Variants in IL1RAP observed in about 807,000 individuals in gnomAD.
The protein encoded by IL1RAP is interleukin 1 receptor accessory protein.
IL1RAP carries 35 observed loss-of-function variants against 60.7 expected under a neutral mutation model. That is an observed-to-expected ratio of 0.58 (90% CI 0.44 to 0.76). The LOEUF is 0.76. Among genes scored for constraint, IL1RAP ranks in the 30% least tolerant of loss-of-function variants. The pLI is 0.00. For missense variants in IL1RAP, 572 were observed against 693.9 expected (o/e 0.82, Z 1.97); for synonymous variants, 268 against 250.9 (o/e 1.07, Z -0.64).
intron 9 of IL1RAP, among the ~76,000 whole-genome samples, chr3:190,640,526 T>C (rs1733579228): frequency 6.6e-6 from 1 of 152,030 alleles, no homozygotes; most frequent in African/African-American, 2.4e-5. Flanking sequence ...ATTACCACAG[T>C]TCCAAAAATT....
chr3:190,597,540 G>A (rs1367638538), intron 3 of IL1RAP, among the ~76,000 whole-genome samples: 1 of 152,132 alleles, frequency 6.6e-6, no homozygotes, highest in Non-Finnish European at 1.5e-5. Context: ...CTCCATTTCA[G>A]GGAAAGAGAG....
intron 1 of IL1RAP, among the ~76,000 whole-genome samples, chr3:190,528,270 C>T (rs962801334): frequency 3.9e-5 from 6 of 152,122 alleles, no homozygotes; most frequent in African/African-American, 9.7e-5. Context: ...ATTCTCATTG[C>T]TTTTGGCATG....
chr3:190,640,174 A>C (rs1485601354), intron 9 of IL1RAP, among the ~76,000 whole-genome samples: 1 of 152,144 alleles, frequency 6.6e-6, no homozygotes, highest in African/African-American at 2.4e-5. Flanking sequence ...CCACTTTCTC[A>C]TTTTGGCTTT....
intron 10 of IL1RAP, 115 bp downstream of exon 10, chr3:190,644,512 T>C (rs1577818102): frequency 2.0e-5 from 15 of 768,216 alleles, no homozygotes; most frequent in Non-Finnish European, 3.2e-5. Context: ...AACTGGAAGA[T>C]TTAAGCAGAT....
At chr3:190,629,092 G>T (rs1165929762) in intron 8 of IL1RAP, among the ~76,000 whole-genome samples, 2 of 152,210 alleles carry the variant, frequency 1.3e-5, no homozygotes, top group African/African-American at 4.8e-5. Context: ...TTGTTTTGAA[G>T]AGAGATCTAT....
chr3:190,655,987 G>C (rs1473762518), downstream of IL1RAP: 2 of 1,537,214 alleles, frequency 1.3e-6, no homozygotes, highest in Non-Finnish European at 1.7e-6. Context: ...CAGCATGCTG[G>C]AGTTTAAACT....
chr3:190,599,689 T>C (rs1395896134), intron 3 of IL1RAP, among the ~76,000 whole-genome samples: 2 of 150,378 alleles, frequency 1.3e-5, no homozygotes, highest in Non-Finnish European at 3.0e-5. Flanking sequence ...GAGAACTTTC[T>C]TGGTATTTTG....
chr3:190,656,659 C>A, exon 12 of IL1RAP: 1 of 1,048,684 alleles, frequency 9.5e-7, no homozygotes, highest in South Asian at 1.8e-5. Flanking sequence ...CTCTGTATGT[C>A]ATGAACCTGT....
chr3:190,612,771 G>A (rs1408738266), intron 5 of IL1RAP, among the ~76,000 whole-genome samples: 1 of 152,060 alleles, frequency 6.6e-6, no homozygotes, highest in Non-Finnish European at 1.5e-5. Context: ...ATCATAAAGT[G>A]GAAAAATCAT....
chr3:190,616,601 T>C (rs930860315), intron 5 of IL1RAP, among the ~76,000 whole-genome samples: 1 of 152,226 alleles, frequency 6.6e-6, no homozygotes, highest in Non-Finnish European at 1.5e-5. Flanking sequence ...ACCAACTTTA[T>C]CTTGAATGCA....
chr3:190,517,335 G>T (rs1233511155), intron 1 of IL1RAP, among the ~76,000 whole-genome samples: 1 of 152,180 alleles, frequency 6.6e-6, no homozygotes, highest in African/African-American at 2.4e-5. Flanking sequence ...TCAAAGGCTG[G>T]GAAGAAGATT....
At chr3:190,552,222 G>A (rs1017249647) in intron 1 of IL1RAP, among the ~76,000 whole-genome samples, 2 of 152,118 alleles carry the variant, frequency 1.3e-5, no homozygotes, top group African/African-American at 4.8e-5. Flanking sequence ...TGATGACTCA[G>A]GAACTTAACA....
chr3:190,656,062 C>G (rs1316763270), downstream of IL1RAP: 1 of 1,537,104 alleles, frequency 6.5e-7, no homozygotes, highest in Non-Finnish European at 8.7e-7. Context: ...TCCCCTTGAG[C>G]ACCCGCACCC....
intron 3 of IL1RAP, among the ~76,000 whole-genome samples, chr3:190,585,347 A>C (rs542908461): frequency 1.1e-4 from 16 of 152,248 alleles, no homozygotes; most frequent in African/African-American, 3.9e-4. Flanking sequence ...CCACCCCCTC[A>C]GCCCGTTTGC....
chr3:190,566,084 T>G (rs2108632921), intron 3 of IL1RAP, among the ~76,000 whole-genome samples: 1 of 152,204 alleles, frequency 6.6e-6, no homozygotes, highest in Non-Finnish European at 1.5e-5. Flanking sequence ...CCATCTCTTT[T>G]TCTTCCTCCT....
chr3:190,609,344 A>G lies in IL1RAP; in HGVS notation c.537+163A>G, dbSNP rs562187280. On this transcript the variant is annotated intron_variant, in intron 5 of 11. Transcript: ENST00000447382. ...TTTCAGCACGTCCTCATTTTGTACC[A>G]TTTTAAAGGAAGTGGTGCACAGTAC... 2.1e-4 allele frequency among the ~76,000 whole-genome samples: 32 copies of G among 152,278 alleles called. 1 individual carries two copies. The highest frequency in any genetic ancestry group is 7.7e-4 in the African/African-American group (32 of 41,560).
intron 5 of IL1RAP, among the ~76,000 whole-genome samples, chr3:190,617,463 CT>C (rs1228483968): frequency 6.6e-6 from 1 of 152,160 alleles, no homozygotes; most frequent in African/African-American, 2.4e-5. Context: ...AAAAATCGCT[CT>C]TCTATTTAAC....
chr3:190,618,675 A>C (rs1187994893), intron 5 of IL1RAP, among the ~76,000 whole-genome samples: 2 of 152,224 alleles, frequency 1.3e-5, no homozygotes, highest in African/African-American at 2.4e-5. Context: ...CTCAATTCAA[A>C]CCAAATCTGA....
downstream of IL1RAP, chr3:190,655,959 T>C: frequency 6.5e-7 from 1 of 1,537,318 alleles, no homozygotes; most frequent in Non-Finnish European, 8.7e-7. Flanking sequence ...GCCCTGACTA[T>C]GTGACAGAAA....
Sources: allele counts gnomAD v4.1 joint callset (sites outside exome capture counted in the v4.1 genomes callset), GRCh38; gene constraint gnomAD v4.1.1; transcripts MANE v1.5; gene names NCBI Gene and HGNC (gene_info 2026-07-23, HGNC 2026-07-21).